The following MIOS variants were observed in gnomAD, a reference collection of about 807,000 sequenced individuals.
MIOS encodes GATOR2 complex protein MIOS.
A neutral mutation model predicts 96.9 loss-of-function variants in MIOS; 52 were observed. That is an observed-to-expected ratio of 0.54 (90% CI 0.43 to 0.68). MIOS has a LOEUF of 0.68. Among genes scored for constraint, MIOS ranks in the 30% least tolerant of loss-of-function variants. The probability of loss-of-function intolerance (pLI) is 0.00; values close to 1 mark genes in which losing one functional copy is unlikely to be tolerated. For missense variants in MIOS, 1,005 were observed against 1,052.8 expected (o/e 0.95, Z 0.63); for synonymous variants, 397 against 359.5 (o/e 1.10, Z -1.18).
At position 7,607,202 on chromosome 7, in the gene MIOS, G is replaced by C; in HGVS notation, c.*110G>C. 1 of 724,156 alleles carries C rather than the reference G, an allele frequency of 1.4e-6. No individual in the cohort carries two copies. Among genetic ancestry groups the C allele is most frequent in the East Asian group, 2.8e-5 (1 of 35,354 alleles). The allele number at this position is 724,156 out of a possible 1,614,324, so 44.9% of individuals were successfully genotyped here. On this transcript the variant is annotated 3_prime_UTR_variant, in exon 13 of 13. Coordinates refer to ENST00000340080, the MANE Select transcript of MIOS (RefSeq NM_019005.4). ...GCCATTCATGACTTACCTGTAATGG[G>C]AAAATAAATCATTCTATCAGATCAG...
intron 5 of MIOS, 36 bp from the exon 6 acceptor site, chr7:7,583,082 G>T: frequency 1.9e-6 from 3 of 1,566,240 alleles, no homozygotes; most frequent in South Asian, 1.2e-5. Context: ...AATATATTTT[G>T]AAATAAAACA....
chr7:7,576,447 G>C (rs1446251476), intron 5 of MIOS, among the ~76,000 whole-genome samples: 2 of 152,164 alleles, frequency 1.3e-5, no homozygotes, highest in African/African-American at 2.4e-5. Context: ...CTCCTAATCT[G>C]GTTGCAGGGA....
chr7:7,584,364 T>A (rs1227865994), intron 6 of MIOS, among the ~76,000 whole-genome samples: 1 of 152,152 alleles, frequency 6.6e-6, no homozygotes, highest in African/African-American at 2.4e-5. Flanking sequence ...AGGGTGATAC[T>A]TTCCTATCTT....
At chr7:7,596,179 T>A (rs1784197823) in intron 10 of MIOS, 78 bp from the exon 11 acceptor site, 2 of 1,226,572 alleles carry the variant, frequency 1.6e-6, no homozygotes, top group African/African-American at 3.1e-5. Flanking sequence ...AAAAATAATT[T>A]GTTAGGCGCA....
Position 7,606,037 on chromosome 7 carries a change from G to T in MIOS, c.2497G>T (p.Gly833Cys), listed in dbSNP as rs756174237. The T allele has an allele frequency of 6.2e-7, 1 of 1,613,964 alleles. No homozygotes were observed. The highest frequency in any genetic ancestry group is 1.1e-5 in the South Asian group (1 of 91,086). Residue 833 changes from glycine (G) to cysteine (C), a missense_variant, in exon 12 of 13, where the codon GGT becomes TGT. This residue lies in a region of MIOS where 865 missense variants were observed against 887.9 expected (regional missense o/e 0.97). Coordinates refer to ENST00000340080, the MANE Select transcript of MIOS (RefSeq NM_019005.4). The stretch of plus-strand genomic sequence containing the variant: ...TACATGGTGTCATAATTGCAGGCAC[G>T]GTGGACATGCTGGACATATGCTTAG... Reference protein sequence around the residue: ...WFTWCHNCRHGGHAGHMLSWF... With the variant: ...WFTWCHNCRHCGHAGHMLSWF...
intron 6 of MIOS, among the ~76,000 whole-genome samples, 195 bp from the exon 7 acceptor site, chr7:7,585,441 G>A (rs1783859437): frequency 1.4e-5 from 2 of 141,484 alleles, no homozygotes; most frequent in South Asian, 4.6e-4. Context: ...CAAGAGTAAA[G>A]TGCAACTTTA....
intron 9 of MIOS, among the ~76,000 whole-genome samples, chr7:7,592,237 C>T (rs1784071063): frequency 6.6e-6 from 1 of 152,244 alleles, no homozygotes; most frequent in African/African-American, 2.4e-5. Context: ...GATCTGCCCG[C>T]CTCGGCCTCC....
At position 7,608,333 on chromosome 7, in the gene MIOS, C is replaced by A. The variant is rs1248439946; in HGVS notation, c.*1241C>A. The A allele has an allele frequency of 6.6e-6, 1 of 151,384 alleles. No homozygotes were observed. Among genetic ancestry groups the A allele is most frequent in the African/African-American group, 2.4e-5 (1 of 41,372 alleles). 9.4% of individuals were successfully genotyped at this position (151,384 alleles called of 1,614,324 possible). On this transcript the variant is annotated 3_prime_UTR_variant, in exon 13 of 13. Coordinates refer to ENST00000340080, the MANE Select transcript of MIOS (RefSeq NM_019005.4). ...TTTTATAGATTTTGGAGAAATAAAA[C>A]AAGAATTTTAAGAGCTTTCGTATTA... is the stretch of plus-strand genomic sequence containing the variant.
rs1784415018 is a variant in MIOS at position 7,602,707 on chromosome 7, A to G, written c.2402-3235A>G. 1.3e-5 allele frequency among the ~76,000 whole-genome samples: 2 copies of G among 152,234 alleles called. 1 individual carries two copies. Among genetic ancestry groups the G allele is most frequent in the South Asian group, 4.1e-4 (2 of 4,830 alleles). ...TCAAGCTACCAATGACTTTCTTCAC[A>G]GAATTGAAAAAAACTAAAGTTCATA... On this transcript the variant is annotated intron_variant, in intron 11 of 12. Transcript: ENST00000340080.
At chr7:7,580,976 G>A (rs75311406) in intron 5 of MIOS, among the ~76,000 whole-genome samples, 86,526 of 147,770 alleles carry the variant, frequency 0.59, 27,477 homozygotes, top group Admixed American at 0.72. Context: ...CATGAGCCAC[G>A]GTGCCTGGCC....
chr7:7,605,640 C>G, intron 11 of MIOS: 1 of 223,824 alleles, frequency 4.5e-6, no homozygotes. Context: ...GTAAACTGGG[C>G]CTGGTATTTT....
Position 7,573,609 on chromosome 7 carries a change from G to T in MIOS, c.1134G>T (p.Thr378=), listed in dbSNP as rs370156358. Residue 378 remains threonine, a synonymous_variant, in exon 4 of 13, where the codon ACG becomes ACT. Coordinates refer to ENST00000340080, the MANE Select transcript of MIOS (RefSeq NM_019005.4). This position sits in a 1 kb window ranked among gnomAD's most constrained non-coding sequence, Gnocchi z 5.0. ...GTGGTCGTCATTTATATGAATGTAC[G>T]GAAGAAGAAAATGATAATTCTTTAG... The part of the protein sequence containing the change: ...WACGRHLYEC[T]EEENDNSLEK... 1.1e-5 allele frequency: 18 copies of T among 1,613,856 alleles called. No individual in the cohort carries two copies. Among genetic ancestry groups the T allele is most frequent in the Non-Finnish European group, 1.4e-5 (16 of 1,179,932 alleles).
intron 5 of MIOS, among the ~76,000 whole-genome samples, chr7:7,580,012 C>T (rs1330797717): frequency 6.6e-6 from 1 of 152,068 alleles, no homozygotes; most frequent in Non-Finnish European, 1.5e-5. Flanking sequence ...TGTAAGGAAC[C>T]ATTTGAAAAA....
chr7:7,606,917 C>G (rs1172629465), intron 12 of MIOS, 79 bp from the exon 13 acceptor site: 3 of 1,148,016 alleles, frequency 2.6e-6, no homozygotes, highest in Admixed American at 2.1e-5. Flanking sequence ...GAGACCCTGT[C>G]TCTTAAAAAA....
In MIOS at chr7:7,605,944, G is replaced by A; in HGVS notation, c.2404G>A (p.Gly802Arg). The A allele has an allele frequency of 1.9e-6, 3 of 1,612,956 alleles. No individual in the cohort carries two copies. Among genetic ancestry groups the A allele is most frequent in the Non-Finnish European group, 1.7e-6 (2 of 1,179,244 alleles). Residue 802 changes from glycine to arginine, a missense_variant and splice_region_variant, in exon 12 of 13, where the codon GGA (glycine) becomes AGA (arginine). Gly to Arg is a moderately radical substitution (Grantham distance 125). Coordinates refer to ENST00000340080, the MANE Select transcript of MIOS (RefSeq NM_019005.4). ...MGTPVSSCPGGTKSDEKVDLS... is the reference protein window; with the variant it reads ...MGTPVSSCPGRTKSDEKVDLS... ...AAGATCATTTTATTTTGTCATAGGA[G>A]GAACCAAATCAGATGAAAAAGTGGA...
intron 5 of MIOS, chr7:7,582,836 C>A: frequency 3.3e-6 from 1 of 300,080 alleles, no homozygotes. Context: ...TAGATAATAA[C>A]AAGTATGTCT....
In MIOS at chr7:7,573,393, G is replaced by A; in HGVS notation, c.918G>A (p.Gly306=). 1 of 1,614,054 alleles carries A rather than the reference G, an allele frequency of 6.2e-7. No homozygotes were observed. Among genetic ancestry groups the A allele is most frequent in the Non-Finnish European group, 8.5e-7 (1 of 1,179,954 alleles). Residue 306 remains glycine (G), a synonymous_variant, in exon 4 of 13, where the codon GGG becomes GGA. Coordinates refer to ENST00000340080, the MANE Select transcript of MIOS (RefSeq NM_019005.4). This position sits in a 1 kb window ranked among gnomAD's most constrained non-coding sequence, Gnocchi z 5.0. ...YDMQHTPTPI[G]DETEPTIIER... ...TGCAGCATACACCCACTCCCATTGG[G>A]GATGAAACTGAACCCACAATAATTG...
In MIOS at chr7:7,567,089, C is replaced by G. The variant is rs975619911; in HGVS notation, c.-221+17C>G. 1.3e-5 allele frequency: 2 copies of G among 151,954 alleles called. No individual in the cohort carries two copies. Among genetic ancestry groups the G allele is most frequent in the Non-Finnish European group, 2.9e-5 (2 of 67,974 alleles). The allele number at this position is 151,954 out of a possible 1,614,324, so 9.4% of individuals were successfully genotyped here. A position where few individuals can be genotyped will look rare whatever the true frequency, so the allele number is the denominator to read the frequency against. On this transcript the variant is annotated intron_variant, in intron 1 of 12. Transcript: ENST00000340080. ...CCACCTCAGGTCAGTGAGCGCGACC[C>G]GGTTCGCGTCTCGACTCTCGGGAGC... is the stretch of plus-strand genomic sequence containing the variant.
At chr7:7,604,758 T>C (rs1167840575) in intron 11 of MIOS, among the ~76,000 whole-genome samples, 1 of 152,228 alleles carries the variant, frequency 6.6e-6, no homozygotes, top group African/African-American at 2.4e-5. Context: ...ACTTCCAGTT[T>C]CGTCAGAAAA....
Sources: gnomAD v4.1 joint callset for allele counts (sites outside exome capture counted in the v4.1 genomes callset) on GRCh38, gnomAD v4.1.1 for gene constraint, gnomAD v4.1.1 regional missense constraint, Gnocchi (gnomAD v3.1) non-coding constraint, MANE v1.5 for transcripts, NCBI Gene and HGNC (gene_info 2026-07-23, HGNC 2026-07-21) for gene names.